The following CPT1C variants were observed in gnomAD, a reference collection of about 807,000 sequenced individuals.
CPT1C encodes carnitine palmitoyltransferase 1C.
CPT1C carries 61 observed loss-of-function variants against 97.3 expected under a neutral mutation model. The observed-to-expected ratio is 0.63, with a 90% CI of 0.51 to 0.78. The LOEUF (loss-of-function observed/expected upper bound fraction) is 0.78. Among genes scored for constraint, CPT1C ranks in the 30% least tolerant of loss-of-function variants. CPT1C has a pLI of 0.00. For missense variants in CPT1C, 975 were observed against 1,065.5 expected, an observed-to-expected ratio of 0.92 and a Z score of 1.18; for synonymous variants, 469 against 447.2, an observed-to-expected ratio of 1.05 and a Z score of -0.61.
At chr19:49,708,683 C>A in intron 13 of CPT1C, 40 bp from the exon 14 acceptor site, 1 of 1,477,072 alleles carries the variant, frequency 6.8e-7, no homozygotes, top group Non-Finnish European at 9.5e-7. Flanking sequence ...CCTCAGTCCA[C>A]AGGGAGGAAG....
intron 3 of CPT1C, among the ~76,000 whole-genome samples, chr19:49,693,288 G>A (rs1054092736): frequency 6.6e-6 from 1 of 152,034 alleles, no homozygotes; most frequent in Non-Finnish European, 1.5e-5. Flanking sequence ...CTCCATACAG[G>A]GACTCCCTGC....
intron 3 of CPT1C, among the ~76,000 whole-genome samples, chr19:49,694,119 TAAA>T (rs1333832789): frequency 7.2e-6 from 1 of 138,796 alleles, no homozygotes; most frequent in African/African-American, 3.0e-5. Flanking sequence ...AATAAATAAA[TAAA>T]TAATAAAGAC....
At chr19:49,703,639 C>CT (rs1457971012) in intron 7 of CPT1C, among the ~76,000 whole-genome samples, 8 of 110,750 alleles carry the variant, frequency 7.2e-5, no homozygotes, top group Non-Finnish European at 1.3e-4. Flanking sequence ...TCTCTCTTTC[C>CT]TTTTTCTTTC....
intron 17 of CPT1C, 175 bp from the exon 18 acceptor site, chr19:49,712,561 G>T (rs2083966757): frequency 3.3e-6 from 2 of 605,310 alleles, no homozygotes; most frequent in East Asian, 5.7e-5. Context: ...TGTGGGTGGT[G>T]AGACGAGTGA....
At chr19:49,712,212 A>G (rs968712454) in intron 17 of CPT1C, 2 of 466,208 alleles carry the variant, frequency 4.3e-6, no homozygotes, top group Non-Finnish European at 7.7e-6. Flanking sequence ...GTATGGTGAC[A>G]GGCACCTGTA....
chr19:49,706,349 G>A lies in CPT1C; in HGVS notation c.1279G>A (p.Glu427Lys), dbSNP rs969558222. The A allele has an allele frequency of 1.3e-6, 2 of 1,516,656 alleles. No homozygotes were observed. Among genetic ancestry groups the A allele is most frequent in the South Asian group, 2.6e-5 (2 of 77,820 alleles). 93.9% of individuals were successfully genotyped at this position (1,516,656 alleles called of 1,614,324 possible). Residue 427 changes from glutamate to lysine, a missense_variant, in exon 12 of 20, where the codon GAG becomes AAG. Transcript: ENST00000598293. The surrounding 1 kb of genome is among the most constrained non-coding windows in gnomAD (Gnocchi z 4.8). ...LDAEPAGLTR[E>K]DPAASLDAYA... ...TGCTGAGCCCGCGGGGCTCACCAGG[G>A]AGGACCCGGCAGCGTCGTTGGATGC...
upstream of CPT1C, chr19:49,690,662 C>G: frequency 1.7e-6 from 1 of 603,400 alleles, no homozygotes; most frequent in Non-Finnish European, 2.7e-6. This position sits in a 1 kb window ranked among gnomAD's most constrained non-coding sequence, Gnocchi z 4.4. Context: ...CTGCTTCTCC[C>G]TCACGGAAGT....
In CPT1C at chr19:49,710,338, C is replaced by G. The variant is rs770190911; in HGVS notation, c.1585C>G (p.Leu529Val). The G allele has an allele frequency of 1.9e-6, 3 of 1,614,218 alleles. No homozygotes were observed. Among genetic ancestry groups the G allele is most frequent in the Admixed American group, 3.3e-5 (2 of 60,010 alleles). Residue 529 changes from leucine to valine, a missense_variant, in exon 15 of 20, where the codon CTA becomes GTA. Coordinates refer to ENST00000598293, the MANE Select transcript of CPT1C (RefSeq NM_001199753.2). ...LPDQIHSSIS[L>V]ALRGAKILSE... ...CTGGCAGATCCACTCCTCCATCTCT[C>G]TAGCCCTGAGGGGAGCCAAGATCTT...
chr19:49,702,026 T>TATATATTTATTTATAATTTATAA (rs1555779100), intron 7 of CPT1C, among the ~76,000 whole-genome samples: 387 of 9,628 alleles, frequency 0.04, 120 homozygotes, highest in African/African-American at 0.12. Context: ...ATTTATAAAT[T>TATATATTTATTTATAATTTATAA]ATAAATATAT....
chr19:49,700,556 T>A, intron 4 of CPT1C, 128 bp from the exon 5 acceptor site: 1 of 1,033,176 alleles, frequency 9.7e-7, no homozygotes, highest in Non-Finnish European at 1.4e-6. Flanking sequence ...TCACACCTAC[T>A]AAAATGACAA....
rs143478074 is a variant in CPT1C, at chr19:49,711,857, G to A, written c.1915G>A (p.Ala639Thr). ...CCGCGTGGCAGTGGACAAGCACCAG[G>A]CTCTGCTGAAGGCAGCCATGAGCGG... ...LFRVAVDKHQ[A>T]LLKAAMSGQG... Residue 639 changes from alanine to threonine, a missense_variant, in exon 17 of 20, where the codon GCT becomes ACT. Coordinates refer to ENST00000598293, the MANE Select transcript of CPT1C (RefSeq NM_001199753.2). 5,210 of 1,613,954 alleles carry A rather than the reference G, an allele frequency of 3.2e-3. 10 individuals carry two copies. Among genetic ancestry groups the A allele is most frequent in the Non-Finnish European group, 3.9e-3 (4,588 of 1,180,032 alleles).
chr19:49,702,633 G>A (rs1284125851), intron 7 of CPT1C, among the ~76,000 whole-genome samples: 2 of 134,354 alleles, frequency 1.5e-5, no homozygotes, highest in African/African-American at 2.6e-5. Flanking sequence ...AAAAAAAAAA[G>A]AAAAGAAAAA....
At chr19:49,694,141 G>A (rs911778518) in intron 3 of CPT1C, among the ~76,000 whole-genome samples, 2 of 151,744 alleles carry the variant, frequency 1.3e-5, no homozygotes, top group Non-Finnish European at 2.9e-5. Context: ...ACAGAATCCT[G>A]CTTTTATAGA....
chr19:49,705,384 G>A, intron 10 of CPT1C, 86 bp downstream of exon 10: 2 of 1,125,958 alleles, frequency 1.8e-6, no homozygotes, highest in Non-Finnish European at 2.6e-6. Flanking sequence ...TGACTGAGCT[G>A]GGAACCATTG....
At chr19:49,695,278 ATTTTT>A (rs947374904) in intron 3 of CPT1C, among the ~76,000 whole-genome samples, 3 of 127,544 alleles carry the variant, frequency 2.4e-5, no homozygotes, top group South Asian at 4.9e-4. Flanking sequence ...AAAATGCACA[ATTTTT>A]TTTTTTTTTT....
At chr19:49,712,903 T>TG in intron 18 of CPT1C, 54 bp downstream of exon 18, 1 of 1,588,968 alleles carries the variant, frequency 6.3e-7, no homozygotes, top group Non-Finnish European at 8.6e-7. Flanking sequence ...CTGGGGGGCC[T>TG]GCACTCCTGC....
intron 7 of CPT1C, 56 bp downstream of exon 7, chr19:49,701,690 G>A (rs927171451): frequency 6.3e-5 from 96 of 1,515,144 alleles, no homozygotes; most frequent in South Asian, 9.9e-5. Context: ...TTGTGAGCTC[G>A]CCTGCTAAAC....
At chr19:49,704,329 G>A (rs12977052) in intron 7 of CPT1C, among the ~76,000 whole-genome samples, 19,270 of 152,090 alleles carry the variant, frequency 0.13, 1,435 homozygotes, top group Non-Finnish European at 0.17. Context: ...GCACCACCAC[G>A]TGTGGCTAAT....
chr19:49,701,961 T>A lies in CPT1C; in HGVS notation c.693+327T>A, dbSNP rs61070741. ...TTATAAATTTATATATAAATATATT[T>A]ATATATAAATTTATAAATAAATATA... On this transcript the variant is annotated intron_variant, in intron 7 of 19. Transcript: ENST00000598293. Among the ~76,000 whole-genome samples the A allele has an allele frequency of 4.1e-4, 38 of 92,766 alleles. 1 individual carries two copies. Among genetic ancestry groups the A allele is most frequent in the African/African-American group, 1.9e-3 (31 of 15,948 alleles). The allele number at this position is 92,766 out of a possible 152,430, so 60.9% of individuals were successfully genotyped here.
Sources: gnomAD v4.1 joint callset for allele counts (sites outside exome capture counted in the v4.1 genomes callset) on GRCh38, gnomAD v4.1.1 for gene constraint, Gnocchi (gnomAD v3.1) non-coding constraint, MANE v1.5 for transcripts, NCBI Gene and HGNC (gene_info 2026-07-23, HGNC 2026-07-21) for gene names.